The following FSTL4 variants were observed in gnomAD, a reference collection of about 807,000 sequenced individuals.
FSTL4 encodes follistatin-related protein 4.
FSTL4 carries 28 observed loss-of-function variants against 78.2 expected under a neutral mutation model. The ratio of observed to expected loss-of-function variants is 0.36; its 90% CI spans 0.27 to 0.49. The LOEUF (loss-of-function observed/expected upper bound fraction) is 0.49, where lower values mean the gene tolerates loss of function less well. Among genes scored for constraint, FSTL4 ranks in the 20% least tolerant of loss-of-function variants. FSTL4 has a pLI of 0.98. For synonymous variants in FSTL4, 422 were observed against 440.5 expected, an observed-to-expected ratio of 0.96 and a Z score of 0.53; for missense variants, 922 against 1,084.9, an observed-to-expected ratio of 0.85 and a Z score of 2.11.
the FSTL4 span, among the ~76,000 whole-genome samples, chr5:133,737,668 G>A: frequency 3.4e-5 from 5 of 146,276 alleles, no homozygotes; most frequent in South Asian, 8.8e-4. Context: ...GCAGTGGTGC[G>A]ATCTCAGCTC....
intron 4 of FSTL4, among the ~76,000 whole-genome samples, chr5:133,349,087 G>A (rs187704834): frequency 1.1e-4 from 17 of 152,194 alleles, no homozygotes; most frequent in Non-Finnish European, 2.2e-4. Context: ...CACAGACCCC[G>A]TGTCCTCGTG....
At chr5:133,634,896 A>C in the FSTL4 span, among the ~76,000 whole-genome samples, 1 of 152,192 alleles carries the variant, frequency 6.6e-6, no homozygotes, top group Non-Finnish European at 1.5e-5. Context: ...GGATTCAGAC[A>C]CAATATGGAT....
At chr5:133,734,767 T>C in the FSTL4 span, among the ~76,000 whole-genome samples, 1 of 152,240 alleles carries the variant, frequency 6.6e-6, no homozygotes, top group East Asian at 1.9e-4. Context: ...TTATTTCTTC[T>C]ATTTCTTCTG....
At chr5:133,755,886 T>C in the FSTL4 span, among the ~76,000 whole-genome samples, 3,668 of 152,350 alleles carry the variant, frequency 0.024, 155 homozygotes, top group African/African-American at 0.083. Flanking sequence ...CTCTGGCAAA[T>C]TTCACAGCTG....
intron 4 of FSTL4, among the ~76,000 whole-genome samples, chr5:133,364,655 A>G (rs543758776): frequency 6.6e-6 from 1 of 152,166 alleles, no homozygotes; most frequent in Non-Finnish European, 1.5e-5. Flanking sequence ...TAAATCTTTT[A>G]GTCTTCTCTT....
intron 7 of FSTL4, among the ~76,000 whole-genome samples, chr5:133,239,847 C>T (rs960129018): frequency 4.6e-5 from 7 of 152,178 alleles, no homozygotes; most frequent in African/African-American, 9.7e-5. Context: ...GGATTATAAA[C>T]GCACCAATCA....
intron 12 of FSTL4, among the ~76,000 whole-genome samples, chr5:133,218,582 C>G (rs1257745932): frequency 6.6e-6 from 1 of 152,230 alleles, no homozygotes. Context: ...CCACCCTACT[C>G]CATGCCATGG....
At chr5:133,723,480 G>A in the FSTL4 span, among the ~76,000 whole-genome samples, 2 of 152,308 alleles carry the variant, frequency 1.3e-5, no homozygotes, top group East Asian at 3.9e-4. Context: ...CAGGCTCTGT[G>A]AGGCCAGGTG....
the FSTL4 span, among the ~76,000 whole-genome samples, chr5:133,785,365 G>A: frequency 1.3e-5 from 2 of 152,138 alleles, no homozygotes; most frequent in South Asian, 4.2e-4. Flanking sequence ...GAAAGCCCGG[G>A]AACGTTTGCC....
At chr5:133,535,844 G>A (rs1349600399) in intron 3 of FSTL4, among the ~76,000 whole-genome samples, 1 of 152,176 alleles carries the variant, frequency 6.6e-6, no homozygotes, top group Non-Finnish European at 1.5e-5. Flanking sequence ...ATTTTCTTTG[G>A]TGGACTGAAG....
the FSTL4 span, among the ~76,000 whole-genome samples, chr5:133,660,544 G>A: frequency 1.1e-4 from 17 of 152,186 alleles, no homozygotes. Flanking sequence ...AGACCATGGT[G>A]CTTGTGCTCA....
intron 3 of FSTL4, among the ~76,000 whole-genome samples, chr5:133,563,431 T>A (rs1759963525): frequency 6.6e-6 from 1 of 152,222 alleles, no homozygotes; most frequent in South Asian, 2.1e-4. Context: ...CCAGAAGCAT[T>A]CCTCATCCCT....
chr5:133,634,896 A>G, the FSTL4 span, among the ~76,000 whole-genome samples: 1 of 152,192 alleles, frequency 6.6e-6, no homozygotes, highest in African/African-American at 2.4e-5. Flanking sequence ...GGATTCAGAC[A>G]CAATATGGAT....
At chr5:133,770,741 G>T in the FSTL4 span, among the ~76,000 whole-genome samples, 1 of 151,854 alleles carries the variant, frequency 6.6e-6, no homozygotes, top group Non-Finnish European at 1.5e-5. Flanking sequence ...CTTTATTTTT[G>T]GTTTTGTTAT....
chr5:133,248,067 G>A lies in FSTL4; in HGVS notation c.894+1343C>T, dbSNP rs530868338. 2.0e-5 allele frequency: 3 copies of A among 152,398 alleles called. No individual in the cohort carries two copies. The East Asian group carries it at 5.8e-4, about 29-fold the overall frequency. The allele number at this position is 152,398 out of a possible 1,614,324, so 9.4% of individuals were successfully genotyped here. A position where few individuals can be genotyped will look rare whatever the true frequency, so the allele number is the denominator to read the frequency against. On this transcript the variant is annotated intron_variant, in intron 7 of 15. Coordinates refer to ENST00000265342, the MANE Select transcript of FSTL4 (RefSeq NM_015082.2). The stretch of plus-strand genomic sequence containing the variant: ...GTGGCTAGCAGCATTGCTGACCACA[G>A]TCCCTGCCTGAGCTTGCATATGCCC...
chr5:133,337,118 C>T (rs1333322604), intron 4 of FSTL4, among the ~76,000 whole-genome samples: 2 of 152,248 alleles, frequency 1.3e-5, no homozygotes, highest in Non-Finnish European at 2.9e-5. Context: ...TTTGGGATAT[C>T]GTCCTCTCCG....
At chr5:133,621,734 T>A in the FSTL4 span, among the ~76,000 whole-genome samples, 2 of 151,646 alleles carry the variant, frequency 1.3e-5, no homozygotes, top group Non-Finnish European at 2.9e-5. Flanking sequence ...ACCACCTGTA[T>A]CCCAACAACT....
chr5:133,296,031 A>AT (rs1445810554), intron 6 of FSTL4, among the ~76,000 whole-genome samples: 2 of 152,146 alleles, frequency 1.3e-5, no homozygotes, highest in African/African-American at 4.8e-5. Flanking sequence ...TGCCACTTGA[A>AT]TGTCTGATAG....
intron 5 of FSTL4, among the ~76,000 whole-genome samples, chr5:133,313,399 C>T (rs780550141): frequency 1.3e-5 from 2 of 152,122 alleles, no homozygotes; most frequent in African/African-American, 4.8e-5. Context: ...ACGGAGGCTA[C>T]AGACATAGGC....
Sources: allele counts gnomAD v4.1 joint callset (sites outside exome capture counted in the v4.1 genomes callset), GRCh38; gene constraint gnomAD v4.1.1; transcripts MANE v1.5; gene names NCBI Gene and HGNC (gene_info 2026-07-23, HGNC 2026-07-21).